ACTR3: variants seen among roughly 807,000 people sequenced by gnomAD.
The protein encoded by ACTR3 is actin related protein 3.
Under a neutral mutation model 56.8 loss-of-function variants are expected in ACTR3, and 12 were observed. The ratio of observed to expected loss-of-function variants is 0.21; its 90% confidence interval spans 0.14 to 0.34. The LOEUF is 0.34. Among genes scored for constraint, ACTR3 ranks in the 10% least tolerant of loss-of-function variants. The pLI, the probability that ACTR3 is intolerant of heterozygous loss-of-function variation, is 1.00. For missense variants in ACTR3, 282 were observed against 512.5 expected, an observed-to-expected ratio of 0.55 and a Z score of 4.34; for synonymous variants, 162 against 167.4, an observed-to-expected ratio of 0.97 and a Z score of 0.25.
At chr2:113,895,084 AT>A (rs1462279965) in intron 1 of ACTR3, among the ~76,000 whole-genome samples, 1 of 65,366 alleles carries the variant, frequency 1.5e-5, no homozygotes, top group Non-Finnish European at 2.6e-5. Flanking sequence ...CCCTGCCGAT[AT>A]GTGAATGCCT....
chr2:113,900,460 C>T (rs890160782), intron 1 of ACTR3, among the ~76,000 whole-genome samples: 48 of 151,776 alleles, frequency 3.2e-4, no homozygotes, highest in Non-Finnish European at 6.0e-4. Flanking sequence ...TGGTGATGGA[C>T]GTATAGCAAA....
rs188993553 is a variant in ACTR3, at chr2:113,901,795, A to G, written c.45-11377A>G. Reference sequence around the variant, plus strand: ...ATTTAGCATCATTCTTAAGGGCCCTATAATTTTCAGAATTGTAATGGAACA... The same window carrying G: ...ATTTAGCATCATTCTTAAGGGCCCTGTAATTTTCAGAATTGTAATGGAACA... On this transcript the variant is annotated intron_variant, in intron 1 of 11. Transcript: ENST00000263238. Among the ~76,000 whole-genome samples the G allele has an allele frequency of 2.5e-4, 38 of 152,328 alleles. 1 individual carries two copies. In the East Asian group the frequency reaches 6.0e-3, roughly 24 times the overall value.
intron 3 of ACTR3, among the ~76,000 whole-genome samples, chr2:113,920,760 C>T (rs931608619): frequency 6.6e-6 from 1 of 152,148 alleles, no homozygotes; most frequent in African/African-American, 2.4e-5. Context: ...CTTTTAGTCC[C>T]TGGCTTATTT....
chr2:113,923,732 C>CTT (rs35354751), intron 3 of ACTR3, among the ~76,000 whole-genome samples: 3 of 142,218 alleles, frequency 2.1e-5, no homozygotes, highest in Admixed American at 7.0e-5. Context: ...TTCAGTTCTC[C>CTT]TTTTTTTTTT....
At position 113,936,302 on chromosome 2, in the gene ACTR3, C is replaced by CAAAA. The variant is rs61526382; in HGVS notation, c.540+1935_540+1938dup. Among the ~76,000 whole-genome samples, 700 of 78,210 alleles carry CAAAA rather than the reference C, an allele frequency of 9.0e-3. 2 individuals are homozygous for CAAAA. Among genetic ancestry groups the CAAAA allele is most frequent in the African/African-American group, 0.031 (668 of 21,682 alleles). 51.3% of individuals were successfully genotyped at this position (78,210 alleles called of 152,430 possible). A position where few individuals can be genotyped will look rare whatever the true frequency, so the allele number is the denominator to read the frequency against. On this transcript the variant is annotated intron_variant, in intron 6 of 11. Transcript: ENST00000263238. ...GAGCAACAGAGTGAGACCCTGTCTC[C>CAAAA]AAAAAAAAAAAAAAAAAAAAAAGGT...
intron 1 of ACTR3, among the ~76,000 whole-genome samples, chr2:113,898,900 A>G (rs1289444713): frequency 6.6e-6 from 1 of 152,176 alleles, no homozygotes; most frequent in African/African-American, 2.4e-5. Flanking sequence ...CCCATTTCAA[A>G]GATAAGTAGT....
At chr2:113,925,993 ATAGT>A (rs1300596729) in intron 3 of ACTR3, among the ~76,000 whole-genome samples, 5 of 152,158 alleles carry the variant, frequency 3.3e-5, no homozygotes, top group African/African-American at 9.7e-5. Flanking sequence ...GAAATGTCTG[ATAGT>A]TCTGTTTATT....
intron 8 of ACTR3, among the ~76,000 whole-genome samples, chr2:113,946,499 A>G (rs570145661): frequency 6.6e-6 from 1 of 152,010 alleles, no homozygotes; most frequent in Non-Finnish European, 1.5e-5. Flanking sequence ...TTTTGGCCAC[A>G]TATATGTCTT....
At chr2:113,937,060 T>G (rs1305383790) in intron 6 of ACTR3, among the ~76,000 whole-genome samples, 3 of 152,112 alleles carry the variant, frequency 2.0e-5, no homozygotes, top group Non-Finnish European at 4.4e-5. Flanking sequence ...GGGAATTTGG[T>G]GGGGAGGAAA....
intron 8 of ACTR3, among the ~76,000 whole-genome samples, chr2:113,949,155 A>G (rs1347507974): frequency 1.3e-5 from 2 of 151,580 alleles, no homozygotes; most frequent in African/African-American, 2.4e-5. Context: ...AGGCAGGCGG[A>G]TCACCTGAGG....
In ACTR3 at chr2:113,961,900, C is replaced by G. The variant is rs934978739; in HGVS notation, c.*4445C>G. 1 of 151,866 alleles carries G rather than the reference C, an allele frequency of 6.6e-6. No individual in the cohort carries two copies. Among genetic ancestry groups the G allele is most frequent in the Non-Finnish European group, 1.5e-5 (1 of 67,866 alleles). The allele number at this position is 151,866 out of a possible 1,614,324, so 9.4% of individuals were successfully genotyped here. ...TTGTTTAAAAATTAGTACTTTGCTC[C>G]TAAAATTTTTACCTAAGTGTTACAT... On this transcript the variant is annotated 3_prime_UTR_variant, in exon 12 of 12. Transcript: ENST00000263238.
intron 1 of ACTR3, chr2:113,904,401 G>A (rs1679156197): frequency 6.6e-6 from 1 of 152,202 alleles, no homozygotes; most frequent in Admixed American, 6.5e-5. Flanking sequence ...TCTGTTGAGT[G>A]TCTTCTCCCA....
chr2:113,954,026 T>G (rs1680167249), intron 10 of ACTR3: 1 of 152,248 alleles, frequency 6.6e-6, no homozygotes, highest in Admixed American at 6.5e-5. Flanking sequence ...AGCCATTTAT[T>G]TTGTAGCATA....
At chr2:113,940,726 A>G (rs918274378) in intron 7 of ACTR3, among the ~76,000 whole-genome samples, 85 of 150,554 alleles carry the variant, frequency 5.6e-4, no homozygotes, top group African/African-American at 2.1e-3. Context: ...CAGAACTGCC[A>G]TGGCAAAAGT....
chr2:113,890,798 TG>T (rs1212029589), intron 1 of ACTR3: 2 of 1,000,200 alleles, frequency 2.0e-6, no homozygotes, highest in Middle Eastern at 5.0e-4. Context: ...ACAAGATCGC[TG>T]TGACAACATT....
intron 1 of ACTR3, among the ~76,000 whole-genome samples, chr2:113,901,978 A>T (rs1048544974): frequency 1.3e-5 from 2 of 152,254 alleles, no homozygotes; most frequent in Non-Finnish European, 2.9e-5. Context: ...TTTACTACTG[A>T]AAAAGATTCT....
At chr2:113,957,188 A>G (rs747084128) in intron 11 of ACTR3, among the ~76,000 whole-genome samples, 172 bp from the exon 12 acceptor site, 14 of 152,198 alleles carry the variant, frequency 9.2e-5, no homozygotes, top group Non-Finnish European at 1.8e-4. Context: ...TTTATAGCTG[A>G]TTTTAAGTCA....
intron 1 of ACTR3, among the ~76,000 whole-genome samples, chr2:113,898,708 A>T (rs569044131): frequency 5.9e-5 from 9 of 152,296 alleles, no homozygotes; most frequent in Admixed American, 3.9e-4. Flanking sequence ...CATAAAATGA[A>T]TGCTCTCTTT....
At chr2:113,933,854 T>A (rs1431694702) in intron 5 of ACTR3, 2 of 161,874 alleles carry the variant, frequency 1.2e-5, no homozygotes, top group Non-Finnish European at 2.7e-5. Context: ...TAAGTTTTTG[T>A]ATTTTTTAGT....
Sources: allele counts gnomAD v4.1 joint callset (sites outside exome capture counted in the v4.1 genomes callset), GRCh38; gene constraint gnomAD v4.1.1; transcripts MANE v1.5; gene names NCBI Gene and HGNC (gene_info 2026-07-23, HGNC 2026-07-21).